ATG4A: variants seen among roughly 807,000 people sequenced by gnomAD.
ATG4A encodes cysteine protease ATG4A.
Under a neutral mutation model 38.4 loss-of-function variants are expected in ATG4A, and 22 were observed. That is an observed-to-expected ratio of 0.57 (90% confidence interval 0.41 to 0.82). The LOEUF is 0.82. ATG4A is among the 40% of genes least tolerant of loss of function. The pLI, the probability that ATG4A is intolerant of heterozygous loss-of-function variation, is 0.00. For synonymous variants in ATG4A, 86 were observed against 100.7 expected (o/e 0.85, Z 0.88); for missense variants, 220 against 290.0 (o/e 0.76, Z 1.75).
At chrX:108,123,914 C>T (rs1004019526) in intron 1 of ATG4A, among the ~76,000 whole-genome samples, 9 of 112,602 alleles carry the variant, frequency 8.0e-5, no homozygotes, top group African/African-American at 2.3e-4. Context: ...TATATGCATA[C>T]ATGCTGTACA....
intron 1 of ATG4A, among the ~76,000 whole-genome samples, chrX:108,109,557 A>G (rs773041283): frequency 1.8e-5 from 2 of 112,141 alleles, no homozygotes; most frequent in Admixed American, 1.9e-4. Flanking sequence ...ACCAAATCCA[A>G]TGTCTTGAAG....
chrX:108,098,725 G>T (rs1273232422), intron 1 of ATG4A, among the ~76,000 whole-genome samples: 1 of 111,226 alleles, frequency 9.0e-6, no homozygotes, highest in African/African-American at 3.3e-5. Context: ...TAATTAAAAT[G>T]ATTTAATTTT....
intron 9 of ATG4A, among the ~76,000 whole-genome samples, chrX:108,148,020 A>AATATAT (rs60886281): frequency 2.7e-3 from 214 of 79,905 alleles, no homozygotes; most frequent in Non-Finnish European, 3.5e-3. Context: ...ACTAATGGAA[A>AATATAT]ATATATATAT....
intron 12 of ATG4A, 41 bp downstream of exon 12, chrX:108,153,128 T>A: frequency 1.0e-6 from 1 of 954,916 alleles, no homozygotes; most frequent in Non-Finnish European, 1.5e-6. Context: ...CAGACCCACA[T>A]ATAGCAGTTG....
chrX:108,131,228 C>T lies in ATG4A; in HGVS notation c.194-32C>T, dbSNP rs1166707774. On this transcript the variant is annotated intron_variant, in intron 3 of 12. Transcript: ENST00000372232. ...TTTCAGGAAAGGGCAATTTGAGGAACCCATATTAATTCCCTTCCATTTTGC... is the reference window on the plus strand; with the variant it reads ...TTTCAGGAAAGGGCAATTTGAGGAATCCATATTAATTCCCTTCCATTTTGC... The T allele has an allele frequency of 4.3e-6, 5 of 1,170,778 alleles. No homozygotes were observed. In the South Asian group the frequency reaches 5.4e-5, roughly 13 times the overall value.
chrX:108,119,995 A>G (rs1330112623), intron 1 of ATG4A, among the ~76,000 whole-genome samples: 1 of 112,014 alleles, frequency 8.9e-6, no homozygotes, highest in Non-Finnish European at 1.9e-5. Flanking sequence ...CACTAATGTG[A>G]AACTGTCCTC....
rs2032604264 is a variant in ATG4A, at chrX:108,119,779, CCTT to C, written c.11-6295_11-6293del. On this transcript the variant is annotated intron_variant, in intron 1 of 12. Coordinates refer to ENST00000372232, the MANE Select transcript of ATG4A (RefSeq NM_052936.5). ...TCCTCCTTTTCCCTTTCCTTTTCCT[CCTT>C]CTCCTCACCATGCTGGATATTAAAG... Among the ~76,000 whole-genome samples, 6 of 111,989 alleles carry C rather than the reference CCTT, an allele frequency of 5.4e-5. No individual in the cohort carries two copies. In the South Asian group the frequency reaches 1.9e-3, roughly 35 times the overall value.
chrX:108,130,148 T>C (rs1230500026), intron 3 of ATG4A, among the ~76,000 whole-genome samples: 1 of 111,299 alleles, frequency 9.0e-6, no homozygotes, highest in Non-Finnish European at 1.9e-5. Context: ...GGTCATAAAT[T>C]GGCTCCCTCC....
intron 1 of ATG4A, among the ~76,000 whole-genome samples, chrX:108,102,364 G>A (rs1426342203): frequency 8.9e-6 from 1 of 111,828 alleles, no homozygotes; most frequent in Non-Finnish European, 1.9e-5. Context: ...CTTATTTGGA[G>A]AAATGTCTAT....
chrX:108,100,657 A>G (rs1312811027), intron 1 of ATG4A, among the ~76,000 whole-genome samples: 2 of 112,019 alleles, frequency 1.8e-5, no homozygotes, highest in Non-Finnish European at 3.8e-5. Flanking sequence ...TTTTGCATCA[A>G]TTGATATGAT....
rs967140112 is a variant in ATG4A, at chrX:108,142,825, T to C, written c.814+4634T>C. Among the ~76,000 whole-genome samples the C allele has an allele frequency of 5.4e-5, 6 of 111,589 alleles. No individual in the cohort carries two copies. In the East Asian group the frequency reaches 1.7e-3, roughly 31 times the overall value. On this transcript the variant is annotated intron_variant, in intron 9 of 12. Transcript: ENST00000372232. ...CCACTGATTCAAATATTAATCTGCT[T>C]TGGCAACACCCTCACAGGCACACCC...
intron 1 of ATG4A, among the ~76,000 whole-genome samples, chrX:108,104,779 A>T (rs1046014720): frequency 2.7e-5 from 3 of 111,209 alleles, no homozygotes; most frequent in African/African-American, 9.8e-5. Flanking sequence ...CATAATGCAT[A>T]TATTTGTTTG....
At chrX:108,131,379 A>G (rs189450686) in intron 4 of ATG4A, 21 bp downstream of exon 4, 180 of 1,186,949 alleles carry the variant, frequency 1.5e-4, no homozygotes, top group African/African-American at 9.0e-4. Flanking sequence ...TTTGTTTTAT[A>G]AACTTTCTCA....
intron 4 of ATG4A, among the ~76,000 whole-genome samples, chrX:108,131,993 G>A (rs183213368): frequency 2.7e-5 from 3 of 110,569 alleles, no homozygotes; most frequent in Non-Finnish European, 5.7e-5. Context: ...TCTGACCCCC[G>A]GGTTCAAGCA....
chrX:108,130,280 G>A (rs765037175), intron 3 of ATG4A, among the ~76,000 whole-genome samples: 1 of 111,074 alleles, frequency 9.0e-6, no homozygotes, highest in Non-Finnish European at 1.9e-5. Context: ...CTGAGATCAT[G>A]TTTAGCATAT....
At chrX:108,111,878 T>G (rs1256745252) in intron 1 of ATG4A, among the ~76,000 whole-genome samples, 1 of 112,121 alleles carries the variant, frequency 8.9e-6, no homozygotes, top group Non-Finnish European at 1.9e-5. Context: ...GGTCTTGCTT[T>G]GTTGCTCAGA....
At chrX:108,113,085 C>T (rs757653042) in intron 1 of ATG4A, among the ~76,000 whole-genome samples, 1 of 111,180 alleles carries the variant, frequency 9.0e-6, no homozygotes, top group Non-Finnish European at 1.9e-5. Context: ...TTTACCTTCT[C>T]TAGTCCATTT....
upstream of ATG4A, among the ~76,000 whole-genome samples, chrX:108,089,651 G>T (rs1420092270): frequency 2.7e-5 from 3 of 110,350 alleles, no homozygotes; most frequent in African/African-American, 9.9e-5. Flanking sequence ...CTGGCAACAT[G>T]GTGAAACTCC....
rs767241542 is a variant in ATG4A at position 108,098,747 on chromosome X, A to T, written c.10+6911A>T. On this transcript the variant is annotated intron_variant, in intron 1 of 12. Coordinates refer to ENST00000372232, the MANE Select transcript of ATG4A (RefSeq NM_052936.5). Reference sequence around the variant, plus strand: ...AATGATTTAATTTTTAGAATCATAAAGTATGTGACCTTTTCCACTATTTTT... The same window carrying T: ...AATGATTTAATTTTTAGAATCATAATGTATGTGACCTTTTCCACTATTTTT... Among the ~76,000 whole-genome samples, 4 of 111,919 alleles carry T rather than the reference A, an allele frequency of 3.6e-5. No homozygotes were observed. In the South Asian group the frequency reaches 1.5e-3, roughly 42 times the overall value.
Sources: allele counts gnomAD v4.1 joint callset (sites outside exome capture counted in the v4.1 genomes callset), GRCh38; gene constraint gnomAD v4.1.1; transcripts MANE v1.5; gene names NCBI Gene and HGNC (gene_info 2026-07-23, HGNC 2026-07-21).